Variants in NRG3 observed in about 807,000 individuals in gnomAD.
The protein encoded by NRG3 is neuregulin 3.
NRG3 carries 31 observed loss-of-function variants against 66.9 expected under a neutral mutation model. The ratio of observed to expected loss-of-function variants is 0.46; its 90% CI spans 0.35 to 0.63. The LOEUF is 0.63. Among genes scored for constraint, NRG3 ranks in the 20% least tolerant of loss-of-function variants. The pLI is 0.00. For synonymous variants in NRG3, 393 were observed against 359.4 expected (o/e 1.09, Z -1.06); for missense variants, 910 against 878.9 (o/e 1.04, Z -0.45).
At chr10:82,551,562 T>A (rs908185032) in intron 2 of NRG3, among the ~76,000 whole-genome samples, 1 of 151,762 alleles carries the variant, frequency 6.6e-6, no homozygotes, top group Non-Finnish European at 1.5e-5. Flanking sequence ...ATGACGATGA[T>A]AAAGGTATCA....
intron 2 of NRG3, among the ~76,000 whole-genome samples, chr10:82,730,216 C>G (rs1423800209): frequency 2.0e-5 from 3 of 151,722 alleles, no homozygotes; most frequent in Admixed American, 6.6e-5. Flanking sequence ...TCCCAGGTAG[C>G]TGAGACTACA....
At chr10:82,916,097 G>A (rs1381623565) in intron 4 of NRG3, among the ~76,000 whole-genome samples, 1 of 152,056 alleles carries the variant, frequency 6.6e-6, no homozygotes, top group Non-Finnish European at 1.5e-5. Context: ...GAACACTATT[G>A]ATATCTGAAT....
intron 3 of NRG3, among the ~76,000 whole-genome samples, chr10:82,739,731 C>T (rs913274982): frequency 1.3e-5 from 2 of 152,196 alleles, no homozygotes; most frequent in African/African-American, 4.8e-5. Context: ...ACAGTAACTA[C>T]TCTTTCTTTG....
At chr10:82,190,988 C>T (rs1318344699) in intron 1 of NRG3, among the ~76,000 whole-genome samples, 1 of 152,098 alleles carries the variant, frequency 6.6e-6, no homozygotes, top group Non-Finnish European at 1.5e-5. Flanking sequence ...TCCTACAACT[C>T]CCCACCTCAG....
chr10:82,725,029 C>T (rs2134565354), intron 2 of NRG3, among the ~76,000 whole-genome samples: 1 of 152,316 alleles, frequency 6.6e-6, no homozygotes, highest in Non-Finnish European at 1.5e-5. Context: ...TTACCACCCT[C>T]CAGATGAGTC....
At chr10:82,132,507 T>TATATATATGATATATATGATATATATATG in intron 1 of NRG3, among the ~76,000 whole-genome samples, 1 of 59,122 alleles carries the variant, frequency 1.7e-5, no homozygotes, top group East Asian at 4.3e-4. Context: ...ATATATATCA[T>TATATATATGATATATATGATATATATATG]ATATATATGA....
intron 3 of NRG3, among the ~76,000 whole-genome samples, chr10:82,782,095 C>T (rs887920218): frequency 1.2e-4 from 19 of 152,180 alleles, no homozygotes; most frequent in African/African-American, 4.6e-4. Flanking sequence ...AAACACCCAA[C>T]TCCATTCTTC....
chr10:82,516,590 A>G (rs1473109041), intron 2 of NRG3, among the ~76,000 whole-genome samples: 1 of 152,226 alleles, frequency 6.6e-6, no homozygotes, highest in Non-Finnish European at 1.5e-5. Context: ...TGAGGATGTC[A>G]AAGTAACCCA....
intron 1 of NRG3, among the ~76,000 whole-genome samples, chr10:82,019,127 T>G (rs890616759): frequency 6.6e-6 from 1 of 152,172 alleles, no homozygotes; most frequent in Non-Finnish European, 1.5e-5. Flanking sequence ...CCTAATTTAT[T>G]GAGAGTTTTT....
chr10:82,075,907 A>G (rs2065065531), intron 1 of NRG3, among the ~76,000 whole-genome samples: 1 of 151,646 alleles, frequency 6.6e-6, no homozygotes, highest in Non-Finnish European at 1.5e-5. Flanking sequence ...GGAGAATGAA[A>G]TTTCTGAAAA....
intron 1 of NRG3, among the ~76,000 whole-genome samples, chr10:81,897,006 A>G (rs1843590257): frequency 6.6e-6 from 1 of 152,138 alleles, no homozygotes; most frequent in Non-Finnish European, 1.5e-5. Context: ...TTAGGATAAA[A>G]AGTTTGAATT....
intron 1 of NRG3, among the ~76,000 whole-genome samples, chr10:82,061,402 T>TAA (rs2064133987): frequency 6.6e-6 from 1 of 152,110 alleles, no homozygotes; most frequent in South Asian, 2.1e-4. Context: ...ACAGGTAGGG[T>TAA]GACCCCCATT....
At chr10:82,272,732 C>T (rs879391813) in intron 1 of NRG3, among the ~76,000 whole-genome samples, 2 of 152,048 alleles carry the variant, frequency 1.3e-5, no homozygotes, top group African/African-American at 2.4e-5. Context: ...TGGCCCTGAT[C>T]TGCTACATTA....
chr10:82,913,735 C>G (rs943990011), intron 4 of NRG3, among the ~76,000 whole-genome samples: 1 of 152,124 alleles, frequency 6.6e-6, no homozygotes, highest in Non-Finnish European at 1.5e-5. Flanking sequence ...AGTCTCTTTT[C>G]AGGATTTTGT....
chr10:82,044,926 A>G (rs1362374133), intron 1 of NRG3, among the ~76,000 whole-genome samples: 1 of 151,878 alleles, frequency 6.6e-6, no homozygotes, highest in Non-Finnish European at 1.5e-5. Flanking sequence ...ATAATATTCC[A>G]TGGTGTACAT....
intron 2 of NRG3, among the ~76,000 whole-genome samples, chr10:82,420,950 G>A (rs1445262588): frequency 6.6e-6 from 1 of 152,046 alleles, no homozygotes; most frequent in East Asian, 1.9e-4. Context: ...AAAAGTATAG[G>A]GACAGATTGG....
At chr10:82,433,565 G>T (rs1020859066) in intron 2 of NRG3, among the ~76,000 whole-genome samples, 29 of 151,944 alleles carry the variant, frequency 1.9e-4, no homozygotes, top group African/African-American at 6.5e-4. Flanking sequence ...TTTCTTCTAG[G>T]GTTTTTAAGG....
intron 5 of NRG3, among the ~76,000 whole-genome samples, chr10:82,952,477 G>C (rs34876332): frequency 0.34 from 26,035 of 76,658 alleles, 2,719 homozygotes; most frequent in East Asian, 0.42. Flanking sequence ...CTCTCTGTGT[G>C]TGTGTGTGTG....
At position 81,981,807 on chromosome 10, in the gene NRG3, T is replaced by C. The variant is rs116460547; in HGVS notation, c.823+105644T>C. 8.3e-3 allele frequency among the ~76,000 whole-genome samples: 1,267 copies of C among 152,328 alleles called. 6 individuals are homozygous for C. Among genetic ancestry groups the C allele is most frequent in the African/African-American group, 0.021 (892 of 41,562 alleles). ...TGAATTCTCCCATCCTGTAGAATTC[T>C]GGTATTCCAATAGCCTTTCTTTATT... On this transcript the variant is annotated intron_variant, in intron 1 of 8. Transcript: ENST00000372141.
Sources: allele counts gnomAD v4.1 joint callset (sites outside exome capture counted in the v4.1 genomes callset), GRCh38; gene constraint gnomAD v4.1.1; transcripts MANE v1.5; gene names NCBI Gene and HGNC (gene_info 2026-07-23, HGNC 2026-07-21).